The following DNAH17 variants were observed in gnomAD, a reference collection of about 807,000 sequenced individuals.
DNAH17 encodes axonemal beta dynein heavy chain 17.
DNAH17 carries 376 observed loss-of-function variants against 485.6 expected under a neutral mutation model. The observed-to-expected ratio is 0.77, with a 90% CI of 0.71 to 0.84. The LOEUF is 0.84. DNAH17 is among the 40% of genes least tolerant of loss of function. The pLI is 0.00. For missense variants in DNAH17, 6,370 were observed against 5,839.3 expected, an observed-to-expected ratio of 1.09 and a Z score of -2.96; for synonymous variants, 3,031 against 2,405.9, an observed-to-expected ratio of 1.26 and a Z score of -7.60.
chr17:78,453,960 A>T (rs946751529), intron 64 of DNAH17, among the ~76,000 whole-genome samples: 1 of 152,022 alleles, frequency 6.6e-6, no homozygotes, highest in African/African-American at 2.4e-5. Flanking sequence ...CTCCTTCCTC[A>T]GCCTCCCAGA....
rs979860317 is a variant in DNAH17 at position 78,510,598 on chromosome 17, G to A, written c.4114-92C>T. ...TGATCCTTCATGGAGAGCCATTGCC[G>A]GGGCACGATCCCGGGCTGCTGGAGG... On this transcript the variant is annotated intron_variant, in intron 26 of 80. Coordinates refer to ENST00000389840, the MANE Select transcript of DNAH17 (RefSeq NM_173628.4). The A allele has an allele frequency of 7.3e-5, 113 of 1,541,832 alleles. 1 individual carries two copies. Among genetic ancestry groups the A allele is most frequent in the South Asian group, 6.4e-4 (56 of 87,970 alleles).
intron 16 of DNAH17, among the ~76,000 whole-genome samples, chr17:78,550,034 G>C (rs7207596): frequency 1.2e-4 from 18 of 152,142 alleles, no homozygotes; most frequent in African/African-American, 3.9e-4. Flanking sequence ...GAAGCCACAC[G>C]TGCAGAGACA....
intron 50 of DNAH17, 26 bp downstream of exon 50, chr17:78,479,459 A>G (rs755289821): frequency 4.4e-6 from 7 of 1,586,740 alleles, no homozygotes; most frequent in Non-Finnish European, 6.0e-6. Flanking sequence ...TACCGATGGG[A>G]GAGGGGATGA....
intron 26 of DNAH17, among the ~76,000 whole-genome samples, chr17:78,512,208 A>C (rs970679336): frequency 2.6e-5 from 4 of 152,204 alleles, no homozygotes; most frequent in Non-Finnish European, 5.9e-5. Flanking sequence ...TGGGCTAAGC[A>C]TTGCCGCTGT....
chr17:78,463,365 T>C (rs2088240914), intron 56 of DNAH17, among the ~76,000 whole-genome samples: 1 of 152,240 alleles, frequency 6.6e-6, no homozygotes, highest in African/African-American at 2.4e-5. Context: ...CACACACGTA[T>C]ATGTGCACAT....
chr17:78,507,137 G>T lies in DNAH17; in HGVS notation c.4676+141C>A, dbSNP rs547379406. ...GGCCGGGGAGTGTGTGCTCCCCAGG[G>T]AAAGGCAATTGATTAACCCAGGACC... On this transcript the variant is annotated intron_variant, in intron 29 of 80. Coordinates refer to ENST00000389840, the MANE Select transcript of DNAH17 (RefSeq NM_173628.4). The T allele has an allele frequency of 7.9e-5, 78 of 985,500 alleles. No homozygotes were observed. The African/African-American group carries it at 1.1e-3, about 14-fold the overall frequency. The allele number at this position is 985,500 out of a possible 1,614,324, so 61.0% of individuals were successfully genotyped here. A position where few individuals can be genotyped will look rare whatever the true frequency, so the allele number is the denominator to read the frequency against.
At chr17:78,570,475 A>C in intron 6 of DNAH17, 103 bp from the exon 7 acceptor site, 6 of 1,432,972 alleles carry the variant, frequency 4.2e-6, no homozygotes, top group Non-Finnish European at 5.6e-6. Context: ...GGTATCCAGC[A>C]GAGGGTTCCC....
chr17:78,478,015 C>A (rs1410688419), intron 51 of DNAH17, among the ~76,000 whole-genome samples: 2 of 100,218 alleles, frequency 2.0e-5, no homozygotes, highest in African/African-American at 1.4e-4. Context: ...TCACCATCAT[C>A]ACCATCACCA....
At chr17:78,546,263 A>G (rs749244443) in intron 16 of DNAH17, among the ~76,000 whole-genome samples, 6 of 152,240 alleles carry the variant, frequency 3.9e-5, no homozygotes, top group Non-Finnish European at 8.8e-5. Flanking sequence ...AAAATGGTCA[A>G]TTATTGGAAG....
rs148168721 is a variant in DNAH17, at chr17:78,537,272, G to A, written c.2859+27C>T. 2,785 of 1,548,358 alleles carry A rather than the reference G, an allele frequency of 1.8e-3. 5 individuals carry two copies. Among genetic ancestry groups the A allele is most frequent in the Non-Finnish European group, 2.3e-3 (2,607 of 1,144,174 alleles). The stretch of plus-strand genomic sequence containing the variant: ...TGGGGAAAGCAATGGATGACCCTGT[G>A]TACGGCCAGAAGAGGCCAGGACTGA... On this transcript the variant is annotated intron_variant, in intron 19 of 80. Transcript: ENST00000389840.
Position 78,500,367 on chromosome 17 carries a change from G to A in DNAH17, c.5578C>T (p.Leu1860=). The A allele has an allele frequency of 6.2e-7, 1 of 1,612,600 alleles. No homozygotes were observed. Among genetic ancestry groups the A allele is most frequent in the Non-Finnish European group, 8.5e-7 (1 of 1,179,396 alleles). The change falls in exon 36 of 81, where the codon CTG becomes TTG. Residue 1860 remains leucine, a synonymous_variant. Coordinates refer to ENST00000389840, the MANE Select transcript of DNAH17 (RefSeq NM_173628.4). ...ACCATGGTGCCCAGGGCTCTGCCCA[G>A]GTCCTTGGTCGTCTCAGTCTTGCCG... is the stretch of plus-strand genomic sequence containing the variant. The part of the protein sequence containing the change: ...GTGKTETTKD[L]GRALGTMVYV...
chr17:78,476,675 C>A lies in DNAH17; in HGVS notation c.8051G>T (p.Trp2684Leu), dbSNP rs755990574. The A allele has an allele frequency of 6.2e-7, 1 of 1,613,030 alleles. No homozygotes were observed. Among genetic ancestry groups the A allele is most frequent in the South Asian group, 1.1e-5 (1 of 90,796 alleles). The change falls in exon 52 of 81, where the codon TGG becomes TTG. Residue 2684 changes from tryptophan to leucine, a missense_variant. Trp to Leu is a moderately conservative substitution (Grantham distance 61, BLOSUM62 -2). Transcript: ENST00000389840. Reference sequence around the variant, plus strand: ...ATACACTCGTTCAGTCTCATGTAGCCAAAGGCGGACGAGGTCCAGTGGGGT... The same window carrying A: ...ATACACTCGTTCAGTCTCATGTAGCAAAAGGCGGACGAGGTCCAGTGGGGT... ...LKTPLDLVRL[W>L]LHETERVYGD...
intron 25 of DNAH17, among the ~76,000 whole-genome samples, chr17:78,518,552 A>G (rs963004128): frequency 2.0e-5 from 3 of 152,240 alleles, no homozygotes; most frequent in Admixed American, 1.3e-4. Context: ...TTATAGTTGG[A>G]GAGATTTCAG....
At chr17:78,447,777 T>A (rs1292010491) in intron 69 of DNAH17, among the ~76,000 whole-genome samples, 2 of 152,172 alleles carry the variant, frequency 1.3e-5, no homozygotes, top group Non-Finnish European at 2.9e-5. Flanking sequence ...AAGTTTGAGT[T>A]TGAATTGAAA....
chr17:78,466,840 G>A (rs779806025), intron 55 of DNAH17, 24 bp from the exon 56 acceptor site: 14 of 1,539,992 alleles, frequency 9.1e-6, no homozygotes, highest in African/African-American at 2.8e-5. Context: ...ACACAGATGC[G>A]CTGCCTACTG....
chr17:78,554,546 T>C (rs1380804634), intron 14 of DNAH17, among the ~76,000 whole-genome samples: 2 of 149,094 alleles, frequency 1.3e-5, no homozygotes, highest in African/African-American at 2.5e-5. Context: ...ATCCTGAATT[T>C]ACAAAACAGA....
chr17:78,486,003 T>A lies in DNAH17; in HGVS notation c.7232A>T (p.Asp2411Val), dbSNP rs1485927897. 2 of 1,613,778 alleles carry A rather than the reference T, an allele frequency of 1.2e-6. No homozygotes were observed. Among genetic ancestry groups the A allele is most frequent in the African/African-American group, 2.7e-5 (2 of 75,014 alleles). Residue 2411 changes from aspartate (D) to valine (V), a missense_variant, in exon 46 of 81, where the codon GAT (aspartate) becomes GTT (valine). Asp to Val is a radical substitution (Grantham distance 152). Coordinates refer to ENST00000389840, the MANE Select transcript of DNAH17 (RefSeq NM_173628.4). ...ATCCAGCTCAAAGGAGGGCACTTTATCTGTCCAGGGCAGGAACTTTTTTGT... is the reference window on the plus strand; with the variant it reads ...ATCCAGCTCAAAGGAGGGCACTTTAACTGTCCAGGGCAGGAACTTTTTTGT... The part of the protein sequence containing the change: ...PDTKKFLPWT[D>V]KVPSFELDPD...
At chr17:78,458,785 C>A in intron 61 of DNAH17, 105 bp from the exon 62 acceptor site, 1 of 1,183,114 alleles carries the variant, frequency 8.5e-7, no homozygotes, top group Non-Finnish European at 1.2e-6. Flanking sequence ...GTGGAAGAGG[C>A]TCCCACAAAG....
At chr17:78,525,934 C>T (rs778596964) in intron 24 of DNAH17, among the ~76,000 whole-genome samples, 21 of 152,208 alleles carry the variant, frequency 1.4e-4, no homozygotes, top group Non-Finnish European at 2.5e-4. Context: ...ACCCTGAGGA[C>T]CCTGGGGTTC....
Sources: allele counts gnomAD v4.1 joint callset (sites outside exome capture counted in the v4.1 genomes callset), GRCh38; gene constraint gnomAD v4.1.1; transcripts MANE v1.5; gene names NCBI Gene and HGNC (gene_info 2026-07-23, HGNC 2026-07-21).